Variants in NXPE2 observed in about 807,000 individuals in gnomAD.
The protein encoded by NXPE2 is NXPE family member 2.
In NXPE2, 34 loss-of-function variants were observed where a neutral mutation model predicts 34.4. The ratio of observed to expected loss-of-function variants is 0.99; its 90% confidence interval spans 0.75 to 1.31. NXPE2 has a LOEUF of 1.31. Among genes scored for constraint, NXPE2 ranks in the 40% most tolerant of loss-of-function variants. The pLI is 0.00. For missense variants in NXPE2, 649 were observed against 672.5 expected, an observed-to-expected ratio of 0.97 and a Z score of 0.39; for synonymous variants, 235 against 231.3, an observed-to-expected ratio of 1.02 and a Z score of -0.15.
At chr11:114,777,933 T>C in the NXPE2 span, among the ~76,000 whole-genome samples, 4 of 152,174 alleles carry the variant, frequency 2.6e-5, no homozygotes, top group African/African-American at 4.8e-5. Context: ...CAAATAACTG[T>C]GACAAAACAG....
At chr11:114,659,591 G>A in the NXPE2 span, among the ~76,000 whole-genome samples, 1 of 151,922 alleles carries the variant, frequency 6.6e-6, no homozygotes, top group Non-Finnish European at 1.5e-5. Flanking sequence ...GGACAAATAA[G>A]AAGTCACAAG....
the NXPE2 span, among the ~76,000 whole-genome samples, chr11:114,631,469 A>G: frequency 1.4e-5 from 2 of 146,208 alleles, no homozygotes; most frequent in Non-Finnish European, 3.0e-5. Context: ...TGGGAACTGA[A>G]AAATGAGAAC....
At chr11:114,804,585 A>T in the NXPE2 span, among the ~76,000 whole-genome samples, 1 of 152,126 alleles carries the variant, frequency 6.6e-6, no homozygotes, top group Non-Finnish European at 1.5e-5. Flanking sequence ...GTGTGAGTGT[A>T]TTTGCATTGT....
chr11:114,655,008 C>T, the NXPE2 span, among the ~76,000 whole-genome samples: 3 of 152,154 alleles, frequency 2.0e-5, no homozygotes, highest in Non-Finnish European at 4.4e-5. Flanking sequence ...TTAATAATCA[C>T]CATTCTGACT....
the NXPE2 span, among the ~76,000 whole-genome samples, chr11:114,617,582 G>A: frequency 1.3e-4 from 20 of 150,108 alleles, no homozygotes; most frequent in South Asian, 4.2e-4. Flanking sequence ...ACGGGTAACC[G>A]GTGTTACCCG....
the NXPE2 span, among the ~76,000 whole-genome samples, chr11:114,615,394 T>C: frequency 6.6e-6 from 1 of 152,104 alleles, no homozygotes; most frequent in African/African-American, 2.4e-5. Context: ...AAGTATTGCC[T>C]CGGTAACCAC....
At chr11:114,507,432 A>G in the NXPE2 span, among the ~76,000 whole-genome samples, 3 of 152,164 alleles carry the variant, frequency 2.0e-5, no homozygotes, top group Non-Finnish European at 4.4e-5. Context: ...AGAGACAACA[A>G]CAATAAAAAA....
chr11:114,544,500 G>C, the NXPE2 span, among the ~76,000 whole-genome samples: 6 of 152,264 alleles, frequency 3.9e-5, no homozygotes, highest in Admixed American at 2.6e-4. Flanking sequence ...TCAGCAAATA[G>C]TGCTGGAACA....
At chr11:114,551,658 T>C in the NXPE2 span, among the ~76,000 whole-genome samples, 1 of 152,184 alleles carries the variant, frequency 6.6e-6, no homozygotes, top group Non-Finnish European at 1.5e-5. Context: ...TCCTGTTAAC[T>C]GGGCAGGGAG....
intron 2 of NXPE2, among the ~76,000 whole-genome samples, chr11:114,696,734 A>C (rs1951265774): frequency 6.6e-6 from 1 of 152,238 alleles, no homozygotes; most frequent in African/African-American, 2.4e-5. Flanking sequence ...AAATATGTAG[A>C]GAGAAAGTCA....
the NXPE2 span, among the ~76,000 whole-genome samples, chr11:114,543,717 G>A: frequency 6.6e-6 from 1 of 152,078 alleles, no homozygotes; most frequent in Non-Finnish European, 1.5e-5. Context: ...CAACAATGTA[G>A]TGGAAGTCCT....
chr11:114,674,811 C>T (rs1333399659), upstream of NXPE2, among the ~76,000 whole-genome samples: 1 of 151,788 alleles, frequency 6.6e-6, no homozygotes, highest in Non-Finnish European at 1.5e-5. Flanking sequence ...AGATGACCAG[C>T]ATTGTCCCGA....
chr11:114,637,936 T>C, the NXPE2 span, among the ~76,000 whole-genome samples: 1 of 151,906 alleles, frequency 6.6e-6, no homozygotes, highest in Non-Finnish European at 1.5e-5. Context: ...CTGACAATTA[T>C]GTGTCTTGGA....
chr11:114,626,750 C>A, the NXPE2 span, among the ~76,000 whole-genome samples: 1 of 152,042 alleles, frequency 6.6e-6, no homozygotes, highest in African/African-American at 2.4e-5. Context: ...AAACCAAAGG[C>A]AAAGAAGTTG....
chr11:114,713,224 G>A, the NXPE2 span, among the ~76,000 whole-genome samples: 111 of 152,224 alleles, frequency 7.3e-4, no homozygotes, highest in African/African-American at 2.5e-3. Flanking sequence ...TAACACTACC[G>A]TACTGTACAC....
chr11:114,626,103 G>T, the NXPE2 span, among the ~76,000 whole-genome samples: 4 of 152,288 alleles, frequency 2.6e-5, no homozygotes, highest in African/African-American at 9.6e-5. Flanking sequence ...TGGGAGAGGG[G>T]CGCCCGCCAT....
the NXPE2 span, among the ~76,000 whole-genome samples, chr11:114,733,373 G>T: frequency 6.6e-6 from 1 of 152,298 alleles, no homozygotes; most frequent in South Asian, 2.1e-4. Context: ...GATTACAGGC[G>T]TGAGCCACCG....
the NXPE2 span, among the ~76,000 whole-genome samples, chr11:114,741,990 G>C: frequency 6.6e-6 from 1 of 151,992 alleles, no homozygotes; most frequent in Non-Finnish European, 1.5e-5. Context: ...CCCAACTAGG[G>C]ATTTTGAGAC....
At chr11:114,660,478 G>T in the NXPE2 span, among the ~76,000 whole-genome samples, 1 of 151,856 alleles carries the variant, frequency 6.6e-6, no homozygotes, top group Admixed American at 6.6e-5. Context: ...ATCAATCAAA[G>T]TAATCACCAT....
Sources: allele counts gnomAD v4.1 joint callset (sites outside exome capture counted in the v4.1 genomes callset), GRCh38; gene constraint gnomAD v4.1.1; transcripts MANE v1.5; gene names NCBI Gene and HGNC (gene_info 2026-07-23, HGNC 2026-07-21).